Variants in PHACTR1 observed in about 807,000 individuals in gnomAD.
PHACTR1 encodes the protein phosphatase and actin regulator 1.
Under a neutral mutation model 69.2 loss-of-function variants are expected in PHACTR1, and 16 were observed. The ratio of observed to expected loss-of-function variants is 0.23; its 90% CI spans 0.16 to 0.35. The LOEUF (loss-of-function observed/expected upper bound fraction) is 0.35. Ranked by LOEUF, PHACTR1 falls within the 10% of genes least tolerant of loss-of-function variation. The probability of loss-of-function intolerance (pLI) is 1.00; values close to 1 mark genes in which losing one functional copy is unlikely to be tolerated. For synonymous variants in PHACTR1, 312 were observed against 284.5 expected (o/e 1.10, Z -0.97); for missense variants, 510 against 734.7 (o/e 0.69, Z 3.54).
intron 10 of PHACTR1, among the ~76,000 whole-genome samples, chr6:13,240,393 T>A (rs989750468): frequency 1.3e-5 from 2 of 152,142 alleles, no homozygotes; most frequent in South Asian, 4.1e-4. Context: ...GAAGAAAGGC[T>A]GTGTTTCTTA....
chr6:12,765,405 A>G (rs1377386293), intron 4 of PHACTR1, among the ~76,000 whole-genome samples: 1 of 152,224 alleles, frequency 6.6e-6, no homozygotes, highest in Non-Finnish European at 1.5e-5. Flanking sequence ...CTCAGTGGCT[A>G]GCAGAGGGCA....
intron 7 of PHACTR1, among the ~76,000 whole-genome samples, chr6:13,199,457 C>G (rs2113836221): frequency 6.8e-6 from 1 of 146,882 alleles, no homozygotes; most frequent in South Asian, 2.3e-4. Flanking sequence ...GAAGCCTGAT[C>G]TACCCAATTC....
chr6:13,220,737 A>G (rs1768474378), intron 8 of PHACTR1, among the ~76,000 whole-genome samples: 1 of 152,230 alleles, frequency 6.6e-6, no homozygotes, highest in Non-Finnish European at 1.5e-5. Context: ...TTTCCCTACA[A>G]CAGCAAGACT....
chr6:13,276,805 A>T (rs1018597043), intron 11 of PHACTR1, among the ~76,000 whole-genome samples: 61 of 152,146 alleles, frequency 4.0e-4, no homozygotes, highest in African/African-American at 1.4e-3. Flanking sequence ...TTTAAAAAAT[A>T]AAATAAAGAC....
intron 4 of PHACTR1, among the ~76,000 whole-genome samples, chr6:12,906,121 T>G (rs972781559): frequency 1.5e-4 from 23 of 152,194 alleles, no homozygotes; most frequent in Admixed American, 2.0e-4. Flanking sequence ...GTGGTCTGAG[T>G]GTAAAATGAA....
chr6:12,924,206 G>A (rs1788012151), intron 4 of PHACTR1, among the ~76,000 whole-genome samples: 1 of 152,140 alleles, frequency 6.6e-6, no homozygotes, highest in African/African-American at 2.4e-5. Flanking sequence ...ACATGTGTAT[G>A]TATGTAAATA....
intron 4 of PHACTR1, among the ~76,000 whole-genome samples, chr6:12,857,105 T>A (rs1238238491): frequency 2.0e-5 from 3 of 152,216 alleles, no homozygotes; most frequent in African/African-American, 7.2e-5. Context: ...CTCTTCTTAA[T>A]AAGGACCTCT....
intron 4 of PHACTR1, among the ~76,000 whole-genome samples, chr6:12,972,565 C>G (rs916922958): frequency 6.6e-6 from 1 of 152,048 alleles, no homozygotes. Context: ...TCTTTTTCAG[C>G]TTCTCTGGCC....
intron 6 of PHACTR1, among the ~76,000 whole-genome samples, chr6:13,169,707 A>G (rs1257598395): frequency 6.6e-6 from 1 of 152,210 alleles, no homozygotes; most frequent in Non-Finnish European, 1.5e-5. Context: ...GATCAGGAAT[A>G]AAAGTGCCCT....
intron 4 of PHACTR1, among the ~76,000 whole-genome samples, chr6:12,850,053 A>C (rs949736374): frequency 2.0e-5 from 3 of 152,220 alleles, no homozygotes; most frequent in Admixed American, 6.5e-5. Context: ...CTTGTCTTCT[A>C]TGTCCTTTCT....
chr6:12,827,510 T>C (rs1440926835), intron 4 of PHACTR1, among the ~76,000 whole-genome samples: 1 of 152,202 alleles, frequency 6.6e-6, no homozygotes, highest in East Asian at 1.9e-4. Context: ...AAAGCCTGTG[T>C]ATGGAGAATC....
chr6:12,904,577 T>C (rs1054317927), intron 4 of PHACTR1, among the ~76,000 whole-genome samples: 1 of 151,818 alleles, frequency 6.6e-6, no homozygotes, highest in Non-Finnish European at 1.5e-5. Flanking sequence ...AACTACTCAT[T>C]ACAGTAGTTT....
chr6:12,959,732 G>A (rs1792440553), intron 4 of PHACTR1, among the ~76,000 whole-genome samples: 2 of 152,192 alleles, frequency 1.3e-5, no homozygotes, highest in South Asian at 4.1e-4. Flanking sequence ...GCTCTTTAGT[G>A]CCTCCCAAAT....
intron 4 of PHACTR1, among the ~76,000 whole-genome samples, chr6:12,796,837 G>T (rs535307921): frequency 6.6e-6 from 1 of 152,144 alleles, no homozygotes; most frequent in Admixed American, 6.5e-5. Flanking sequence ...GGACACTTTT[G>T]TAAAATTCTC....
intron 7 of PHACTR1, among the ~76,000 whole-genome samples, chr6:13,194,383 C>T (rs181690968): frequency 8.0e-6 from 1 of 124,904 alleles, no homozygotes; most frequent in African/African-American, 3.1e-5. Context: ...AGCCTGGTGA[C>T]AGAGCAAGAC....
At chr6:13,061,993 A>G (rs1403920237) in intron 5 of PHACTR1, among the ~76,000 whole-genome samples, 1 of 152,192 alleles carries the variant, frequency 6.6e-6, no homozygotes. Flanking sequence ...TCAGATACAA[A>G]TAATTGATTG....
Position 13,283,402 on chromosome 6 carries a change from ATCTC to A in PHACTR1, c.1510-15_1510-12del, listed in dbSNP as rs1780749293. The stretch of plus-strand genomic sequence containing the variant: ...TCAACCCTTCTGGCTGACTGGGTCC[ATCTC>A]TCTCCCTCCCTGCAGCTCAGTCAAA... On this transcript the variant is annotated splice_polypyrimidine_tract_variant and intron_variant, in intron 12 of 14. Coordinates refer to ENST00000332995, the MANE Select transcript of PHACTR1 (RefSeq NM_030948.6). The surrounding 1 kb of genome is among the most constrained non-coding windows in gnomAD (Gnocchi z 4.7). 4 of 1,612,518 alleles carry A rather than the reference ATCTC, an allele frequency of 2.5e-6. No individual in the cohort carries two copies. Among genetic ancestry groups the A allele is most frequent in the Non-Finnish European group, 3.4e-6 (4 of 1,179,448 alleles).
At chr6:13,182,736 C>T (rs1256115023) in intron 7 of PHACTR1, 50 bp downstream of exon 7, 5 of 1,465,580 alleles carry the variant, frequency 3.4e-6, no homozygotes, top group Non-Finnish European at 4.5e-6. Flanking sequence ...CAAGTCCAGC[C>T]AGGCACCAGG....
chr6:13,132,746 T>C (rs1201552054), intron 5 of PHACTR1, among the ~76,000 whole-genome samples: 1 of 148,084 alleles, frequency 6.8e-6, no homozygotes, highest in African/African-American at 2.5e-5. Flanking sequence ...AAAAAAAAAG[T>C]GAATGATCAT....
Sources: gnomAD v4.1 joint callset for allele counts (sites outside exome capture counted in the v4.1 genomes callset) on GRCh38, gnomAD v4.1.1 for gene constraint, Gnocchi (gnomAD v3.1) non-coding constraint, MANE v1.5 for transcripts, NCBI Gene and HGNC (gene_info 2026-07-23, HGNC 2026-07-21) for gene names.